Variants in ADAMTS20 observed in about 807,000 individuals in gnomAD.
ADAMTS20 encodes A disintegrin and metalloproteinase with thrombospondin motifs 20.
Under a neutral mutation model 260.1 loss-of-function variants are expected in ADAMTS20, and 225 were observed. That is an observed-to-expected ratio of 0.87 (90% CI 0.78 to 0.97). The LOEUF (loss-of-function observed/expected upper bound fraction) is 0.97. Ranked by LOEUF, ADAMTS20 falls within the 50% of genes least tolerant of loss-of-function variation. ADAMTS20 has a pLI of 0.00. For missense variants in ADAMTS20, 2,400 were observed against 2,337.7 expected, an observed-to-expected ratio of 1.03 and a Z score of -0.55; for synonymous variants, 802 against 769.5, an observed-to-expected ratio of 1.04 and a Z score of -0.70.
intron 37 of ADAMTS20, among the ~76,000 whole-genome samples, chr12:43,360,499 C>G (rs1939844200): frequency 6.6e-6 from 1 of 151,570 alleles, no homozygotes; most frequent in Non-Finnish European, 1.5e-5. Flanking sequence ...AGACAAAGGA[C>G]ATAAAAAGAG....
At chr12:43,495,873 T>C (rs1942670973) in intron 4 of ADAMTS20, among the ~76,000 whole-genome samples, 1 of 152,224 alleles carries the variant, frequency 6.6e-6, no homozygotes, top group African/African-American at 2.4e-5. Context: ...TCTAATTGTA[T>C]CTCTTATTGT....
intron 3 of ADAMTS20, among the ~76,000 whole-genome samples, chr12:43,529,361 A>G (rs1943189835): frequency 6.6e-6 from 1 of 152,202 alleles, no homozygotes; most frequent in African/African-American, 2.4e-5. Flanking sequence ...ACATATGTTT[A>G]TTGCAGTCAA....
chr12:43,454,089 G>C (rs749914599), intron 11 of ADAMTS20, 37 bp from the exon 12 acceptor site: 25 of 1,596,346 alleles, frequency 1.6e-5, no homozygotes, highest in Non-Finnish European at 2.0e-5. Flanking sequence ...AATGATGTGT[G>C]TCTCTAATTA....
intron 3 of ADAMTS20, among the ~76,000 whole-genome samples, chr12:43,506,133 A>G (rs1187397772): frequency 2.5e-5 from 3 of 120,832 alleles, no homozygotes; most frequent in Admixed American, 8.0e-5. Flanking sequence ...AAACAAACAA[A>G]CAAAAACAAC....
At chr12:43,430,534 T>G (rs1193277732) in intron 22 of ADAMTS20, 63 bp from the exon 23 acceptor site, 2 of 1,456,064 alleles carry the variant, frequency 1.4e-6, no homozygotes, top group African/African-American at 2.8e-5. Flanking sequence ...AACTTCTATT[T>G]TCTTAATGAA....
chr12:43,486,252 A>G (rs1302041710), intron 7 of ADAMTS20, among the ~76,000 whole-genome samples: 1 of 152,154 alleles, frequency 6.6e-6, no homozygotes, highest in Non-Finnish European at 1.5e-5. Flanking sequence ...GGAACAGAAT[A>G]GAAGACCCAC....
intron 3 of ADAMTS20, among the ~76,000 whole-genome samples, chr12:43,530,317 C>G (rs1943202512): frequency 6.6e-6 from 1 of 152,120 alleles, no homozygotes; most frequent in Non-Finnish European, 1.5e-5. Flanking sequence ...AAACAAGCTG[C>G]TCTTGAATAG....
intron 28 of ADAMTS20, among the ~76,000 whole-genome samples, chr12:43,417,689 G>T (rs1315245284): frequency 6.6e-6 from 1 of 152,162 alleles, no homozygotes; most frequent in Non-Finnish European, 1.5e-5. Context: ...CTCAGAGGTG[G>T]CAAGGGTGAT....
rs200618868 is a variant in ADAMTS20, at chr12:43,534,717, C to CA, written c.454-2523dup. Reference sequence around the variant, plus strand: ...TCCAATGCATATCATTACACCAAAACAAAAAAAACTACTAAACAGAATGTA... The same window carrying CA: ...TCCAATGCATATCATTACACCAAAACAAAAAAAAACTACTAAACAGAATGTA... On this transcript the variant is annotated intron_variant, in intron 2 of 38. Transcript: ENST00000389420. Among the ~76,000 whole-genome samples, 540 of 151,504 alleles carry CA rather than the reference C, an allele frequency of 3.6e-3. 1 individual carries two copies. The highest frequency in any genetic ancestry group is 0.012 in the African/African-American group (500 of 41,364).
intron 27 of ADAMTS20, among the ~76,000 whole-genome samples, chr12:43,426,667 A>G (rs1941339069): frequency 6.6e-6 from 1 of 152,342 alleles, no homozygotes; most frequent in South Asian, 2.1e-4. Flanking sequence ...TTAAAGAAAA[A>G]GATTTGCCAA....
chr12:43,423,167 T>G (rs1201041142), intron 28 of ADAMTS20: 1 of 152,196 alleles, frequency 6.6e-6, no homozygotes, highest in Admixed American at 6.5e-5. Flanking sequence ...AAAAGTTAGA[T>G]AGTAAATATT....
At chr12:43,398,113 G>T (rs547328417) in intron 29 of ADAMTS20, among the ~76,000 whole-genome samples, 1 of 152,262 alleles carries the variant, frequency 6.6e-6, no homozygotes, top group African/African-American at 2.4e-5. Context: ...GCAGGACTAG[G>T]CCCTTTAAGA....
chr12:43,497,349 A>T (rs1234983452), intron 4 of ADAMTS20, among the ~76,000 whole-genome samples: 1 of 152,188 alleles, frequency 6.6e-6, no homozygotes, highest in East Asian at 1.9e-4. Context: ...TTTTGAAAAT[A>T]ATTTCTAGAT....
At position 43,551,030 on chromosome 12, in the gene ADAMTS20, G is replaced by T. The variant is rs748772832; in HGVS notation, c.332C>A (p.Thr111Asn). Reference protein sequence around the residue: ...AAGYTEVHLGTPERGAWESDA... With the variant: ...AAGYTEVHLGNPERGAWESDA... ...GCTCTCCCAGGCCCCGCGCTCCGGG[G>T]TTCCCAAGTGCACCTCGGTGTAGCC... The change falls in exon 2 of 39, where the codon ACC becomes AAC. Residue 111 changes from threonine (T) to asparagine (N), a missense_variant. Coordinates refer to ENST00000389420, the MANE Select transcript of ADAMTS20 (RefSeq NM_025003.5). This position sits in a 1 kb window ranked among gnomAD's most constrained non-coding sequence, Gnocchi z 4.6. The T allele has an allele frequency of 4.3e-5, 70 of 1,613,334 alleles. No homozygotes were observed. Among genetic ancestry groups the T allele is most frequent in the Non-Finnish European group, 5.5e-5 (65 of 1,179,668 alleles).
rs375872389 is a variant in ADAMTS20, at chr12:43,551,441, G to A, written c.92-171C>T. 1.6e-4 allele frequency among the ~76,000 whole-genome samples: 25 copies of A among 152,112 alleles called. No homozygotes were observed. In the East Asian group the frequency reaches 4.3e-3, roughly 26 times the overall value. On this transcript the variant is annotated intron_variant, in intron 1 of 38. Coordinates refer to ENST00000389420, the MANE Select transcript of ADAMTS20 (RefSeq NM_025003.5). This position sits in a 1 kb window ranked among gnomAD's most constrained non-coding sequence, Gnocchi z 4.6. ...CACACACACACACGTGCACTGGGAC[G>A]GTTAGTGCTCTGCTTTCCCACACCC...
At chr12:43,492,207 C>T (rs1942609965) in intron 6 of ADAMTS20, among the ~76,000 whole-genome samples, 1 of 151,514 alleles carries the variant, frequency 6.6e-6, no homozygotes, top group South Asian at 2.1e-4. Flanking sequence ...GGTGAAACCC[C>T]GTCTCTACTA....
At chr12:43,410,180 C>A in intron 28 of ADAMTS20, among the ~76,000 whole-genome samples, 1 of 151,698 alleles carries the variant, frequency 6.6e-6, no homozygotes, top group East Asian at 1.9e-4. Flanking sequence ...AAAAGAGAAA[C>A]ATATGTGATG....
chr12:43,497,833 A>T (rs1298424974), intron 4 of ADAMTS20, among the ~76,000 whole-genome samples: 1 of 152,112 alleles, frequency 6.6e-6, no homozygotes, highest in Non-Finnish European at 1.5e-5. Flanking sequence ...TGCTCCTTAA[A>T]CTTACATTAT....
At chr12:43,531,824 G>T (rs1943225112) in intron 3 of ADAMTS20, among the ~76,000 whole-genome samples, 1 of 152,184 alleles carries the variant, frequency 6.6e-6, no homozygotes, top group African/African-American at 2.4e-5. Context: ...TAATGCATTT[G>T]TTAATTAGTT....
Sources: gnomAD v4.1 joint callset for allele counts (sites outside exome capture counted in the v4.1 genomes callset) on GRCh38, gnomAD v4.1.1 for gene constraint, Gnocchi (gnomAD v3.1) non-coding constraint, MANE v1.5 for transcripts, NCBI Gene and HGNC (gene_info 2026-07-23, HGNC 2026-07-21) for gene names.